Variants in UGGT1 observed in about 807,000 individuals in gnomAD.
UGGT1 encodes UDP-glucose glycoprotein glucosyltransferase 1, also known as UDP-glucose:glycoprotein glucosyltransferase 1.
A neutral mutation model predicts 203.9 loss-of-function variants in UGGT1; 107 were observed. That is an observed-to-expected ratio of 0.52 (90% CI 0.45 to 0.62). The LOEUF is 0.62. Among genes scored for constraint, UGGT1 ranks in the 20% least tolerant of loss-of-function variants. The pLI is 0.00. For synonymous variants in UGGT1, 628 were observed against 653.5 expected (o/e 0.96, Z 0.59); for missense variants, 1,673 against 1,867.2 (o/e 0.90, Z 1.92).
chr2:128,170,179 A>T, intron 26 of UGGT1, 109 bp from the exon 27 acceptor site: 1 of 829,538 alleles, frequency 1.2e-6, no homozygotes, highest in Non-Finnish European at 1.9e-6. Context: ...TAGTCTTTCT[A>T]GATCTAAAGT....
intron 2 of UGGT1, among the ~76,000 whole-genome samples, chr2:128,099,660 C>A (rs73957667): frequency 6.6e-6 from 1 of 152,190 alleles, no homozygotes; most frequent in African/African-American, 2.4e-5. Flanking sequence ...TTCCTTCCAT[C>A]GCCTCTCTCT....
chr2:128,155,845 AAGG>A lies in UGGT1; in HGVS notation c.2236+260_2236+262del, dbSNP rs1389047874. ...TGTTTTACCTTTTGACTAAAGTCAA[AAGG>A]AAAAATATTTCATAGTTCAAATGGA... On this transcript the variant is annotated intron_variant, in intron 20 of 40. Coordinates refer to ENST00000259253, the MANE Select transcript of UGGT1 (RefSeq NM_020120.4). 3.3e-5 allele frequency among the ~76,000 whole-genome samples: 5 copies of A among 152,334 alleles called. 1 individual carries two copies. The East Asian group carries it at 9.6e-4, about 29-fold the overall frequency.
chr2:128,167,997 C>G (rs958361011), intron 26 of UGGT1, among the ~76,000 whole-genome samples: 3 of 152,178 alleles, frequency 2.0e-5, no homozygotes, highest in Non-Finnish European at 4.4e-5. Flanking sequence ...TTGAGACTCT[C>G]TCTCTGGTTC....
intron 6 of UGGT1, 136 bp downstream of exon 6, chr2:128,113,394 A>G (rs1487910941): frequency 1.4e-6 from 1 of 695,122 alleles, no homozygotes; most frequent in African/African-American, 1.8e-5. Flanking sequence ...CAGTAGTTTC[A>G]TTGAGTCTAT....
rs780944420 is a variant in UGGT1, at chr2:128,177,829, C to T, written c.3625-3C>T. On this transcript the variant is annotated splice_region_variant and splice_polypyrimidine_tract_variant and intron_variant, in intron 32 of 40. Coordinates refer to ENST00000259253, the MANE Select transcript of UGGT1 (RefSeq NM_020120.4). ...GAGTAAGGTTTATCACATTTGATTG[C>T]AGGTTCAGAAGAAGGCAGATATGGT... The T allele has an allele frequency of 6.3e-6, 10 of 1,593,764 alleles. No individual in the cohort carries two copies. The highest frequency in any genetic ancestry group is 8.5e-6 in the Non-Finnish European group (10 of 1,170,948).
rs575747601 is a variant in UGGT1, at chr2:128,190,185, G to A, written c.*443G>A. On this transcript the variant is annotated 3_prime_UTR_variant, in exon 41 of 41. Coordinates refer to ENST00000259253, the MANE Select transcript of UGGT1 (RefSeq NM_020120.4). ...TGCCCACCCTGCCCTGGGTCTGGCCGGCGGAAGCTCTGTCCAAGGTCCACA... is the reference window on the plus strand; with the variant it reads ...TGCCCACCCTGCCCTGGGTCTGGCCAGCGGAAGCTCTGTCCAAGGTCCACA... 9 of 159,166 alleles carry A rather than the reference G, an allele frequency of 5.7e-5. No homozygotes were observed. Among genetic ancestry groups the A allele is most frequent in the East Asian group, 5.3e-4 (3 of 5,616 alleles). The allele number at this position is 159,166 out of a possible 1,614,324, so 9.9% of individuals were successfully genotyped here.
intron 8 of UGGT1, among the ~76,000 whole-genome samples, chr2:128,119,721 A>G (rs1688286717): frequency 6.6e-6 from 1 of 151,904 alleles, no homozygotes; most frequent in Admixed American, 6.6e-5. Context: ...GATTCACAAA[A>G]GCATAGAGAA....
intron 6 of UGGT1, 126 bp downstream of exon 6, chr2:128,113,384 C>T (rs1687953672): frequency 1.3e-6 from 1 of 758,568 alleles, no homozygotes; most frequent in East Asian, 3.1e-5. Flanking sequence ...TTGACAAATC[C>T]AGTAGTTTCA....
At position 128,189,983 on chromosome 2, in the gene UGGT1, A is replaced by G. The variant is rs1316202207; in HGVS notation, c.*241A>G. Reference sequence around the variant, plus strand: ...AAGTGGCTGATCCTTTGGACTCTGTAAAGAGCATTCTTCTAGTCAGAGGGT... The same window carrying G: ...AAGTGGCTGATCCTTTGGACTCTGTGAAGAGCATTCTTCTAGTCAGAGGGT... On this transcript the variant is annotated 3_prime_UTR_variant, in exon 41 of 41. Coordinates refer to ENST00000259253, the MANE Select transcript of UGGT1 (RefSeq NM_020120.4). 9.1e-6 allele frequency: 4 copies of G among 440,316 alleles called. No individual in the cohort carries two copies. The highest frequency in any genetic ancestry group is 1.2e-5 in the Non-Finnish European group (3 of 244,668). The allele number at this position is 440,316 out of a possible 1,614,324, so 27.3% of individuals were successfully genotyped here. A position where few individuals can be genotyped will look rare whatever the true frequency, so the allele number is the denominator to read the frequency against.
chr2:128,138,329 G>A (rs1014953223), intron 15 of UGGT1, among the ~76,000 whole-genome samples: 6 of 152,134 alleles, frequency 3.9e-5, no homozygotes, highest in African/African-American at 1.4e-4. Context: ...ACACCAGCCT[G>A]GCCAACATGG....
Position 128,172,724 on chromosome 2 carries a change from A to G in UGGT1, c.3256A>G (p.Arg1086Gly), listed in dbSNP as rs139024150. 1.9e-6 allele frequency: 3 copies of G among 1,614,168 alleles called. No individual in the cohort carries two copies. Among genetic ancestry groups the G allele is most frequent in the African/African-American group, 2.7e-5 (2 of 75,062 alleles). The change falls in exon 29 of 41, where the codon AGA becomes GGA. Residue 1086 changes from arginine to glycine, a missense_variant. Arg to Gly is a moderately radical substitution (Grantham distance 125). Transcript: ENST00000259253. ...TPESWMVESV[R>G]TPYDLDNIYL... The stretch of plus-strand genomic sequence containing the variant: ...TGAGAGCTGGATGGTAGAATCTGTC[A>G]GAACACCATATGATCTTGATAATAT...
chr2:128,139,248 T>G (rs1689291120), intron 16 of UGGT1, among the ~76,000 whole-genome samples: 2 of 152,204 alleles, frequency 1.3e-5, no homozygotes, highest in South Asian at 4.1e-4. Flanking sequence ...ACCTTAAAAT[T>G]TTATTTATTT....
chr2:128,173,960 A>G lies in UGGT1; in HGVS notation c.3453+21A>G, dbSNP rs537153627. 1.5e-5 allele frequency: 24 copies of G among 1,611,606 alleles called. No individual in the cohort carries two copies. The South Asian group carries it at 2.5e-4, about 17-fold the overall frequency. ...ATCTGGTAAATAATCTGTTCATCAG[A>G]TAGTGATATTGTAGTTACGTTAATT... On this transcript the variant is annotated intron_variant, in intron 30 of 40. Coordinates refer to ENST00000259253, the MANE Select transcript of UGGT1 (RefSeq NM_020120.4).
intron 23 of UGGT1, among the ~76,000 whole-genome samples, 158 bp from the exon 24 acceptor site, chr2:128,160,302 C>T (rs535202379): frequency 3.3e-5 from 5 of 152,128 alleles, no homozygotes; most frequent in African/African-American, 1.2e-4. Context: ...AGGGAGATGG[C>T]GGGGAGACTG....
chr2:128,115,033 T>C, intron 6 of UGGT1, 91 bp from the exon 7 acceptor site: 1 of 1,079,000 alleles, frequency 9.3e-7, no homozygotes. Context: ...AGGTAATGGC[T>C]AGTAGATGCA....
intron 10 of UGGT1, 148 bp downstream of exon 10, chr2:128,121,446 C>T: frequency 3.6e-6 from 2 of 559,908 alleles, no homozygotes; most frequent in Non-Finnish European, 5.6e-6. Context: ...ACTCTTGTTG[C>T]CGAGGCTAGA....
chr2:128,177,894 A>C lies in UGGT1; in HGVS notation c.3687A>C (p.Glu1229Asp), dbSNP rs768795908. ...TGAGTGATGGAACGAGTGAGAATGA[A>C]TCTGGATTTTGGGATTCCTTCAAAT... is the stretch of plus-strand genomic sequence containing the variant. Reference protein sequence around the residue: ...DLLSDGTSENESGFWDSFKWG... With the variant: ...DLLSDGTSENDSGFWDSFKWG... The change falls in exon 33 of 41, where the codon GAA (glutamate) becomes GAC (aspartate). Residue 1229 changes from glutamate (E) to aspartate (D), a missense_variant. Coordinates refer to ENST00000259253, the MANE Select transcript of UGGT1 (RefSeq NM_020120.4). The C allele has an allele frequency of 6.2e-7, 1 of 1,604,352 alleles. No individual in the cohort carries two copies. Among genetic ancestry groups the C allele is most frequent in the Non-Finnish European group, 8.5e-7 (1 of 1,175,900 alleles).
intron 1 of UGGT1, among the ~76,000 whole-genome samples, chr2:128,092,837 G>A (rs1686931481): frequency 6.6e-6 from 1 of 151,840 alleles, no homozygotes; most frequent in African/African-American, 2.4e-5. Context: ...TTGATAGTTG[G>A]GCCTAGAACT....
At chr2:128,116,004 A>G (rs898169543) in intron 7 of UGGT1, among the ~76,000 whole-genome samples, 3 of 151,970 alleles carry the variant, frequency 2.0e-5, no homozygotes, top group Non-Finnish European at 2.9e-5. Context: ...TGAAGTTTTT[A>G]GCATGTAAAA....
Sources: gnomAD v4.1 joint callset for allele counts (sites outside exome capture counted in the v4.1 genomes callset) on GRCh38, gnomAD v4.1.1 for gene constraint, MANE v1.5 for transcripts, NCBI Gene and HGNC (gene_info 2026-07-23, HGNC 2026-07-21) for gene names.